The following FYB2 variants were observed in gnomAD, a reference collection of about 807,000 sequenced individuals.
FYB2 encodes the protein FYN-binding protein 2.
In FYB2, 103 loss-of-function variants were observed where a neutral mutation model predicts 94.1. The observed-to-expected ratio is 1.09, with a 90% CI of 0.93 to 1.29. FYB2 has a LOEUF of 1.29. Among genes scored for constraint, FYB2 ranks in the 50% most tolerant of loss-of-function variants. FYB2 has a pLI of 0.00. For missense variants in FYB2, 896 were observed against 841.5 expected (o/e 1.06, Z -0.80); for synonymous variants, 293 against 287.9 (o/e 1.02, Z -0.18).
At chr1:56,777,239 CAAAAAAAAA>C (rs1453236717) in intron 4 of FYB2, among the ~76,000 whole-genome samples, 1 of 4,798 alleles carries the variant, frequency 2.1e-4, no homozygotes, top group Non-Finnish European at 2.6e-4. Flanking sequence ...GTCTCAAAAA[CAAAAAAAAA>C]AAAAAAAAAA....
At chr1:56,767,643 T>A (rs551843544) in intron 5 of FYB2, among the ~76,000 whole-genome samples, 186 bp downstream of exon 5, 1 of 152,132 alleles carries the variant, frequency 6.6e-6, no homozygotes, top group South Asian at 2.1e-4. Flanking sequence ...ATAGCACTGA[T>A]GCCCAGCTGG....
intron 2 of FYB2, 54 bp downstream of exon 2, chr1:56,792,002 A>G: frequency 6.6e-7 from 1 of 1,513,046 alleles, no homozygotes; most frequent in South Asian, 1.4e-5. Context: ...TTTCAAGTAG[A>G]AAAACATGAT....
upstream of FYB2, among the ~76,000 whole-genome samples, chr1:56,821,950 G>A (rs965144908): frequency 6.6e-6 from 1 of 152,116 alleles, no homozygotes; most frequent in African/African-American, 2.4e-5. Context: ...TACACCTTAT[G>A]AATAAATATT....
At chr1:56,766,084 C>T (rs1011225730) in intron 5 of FYB2, among the ~76,000 whole-genome samples, 1 of 152,152 alleles carries the variant, frequency 6.6e-6, no homozygotes. Context: ...AAATGGTGCC[C>T]ACTGCCTTTC....
At chr1:56,782,256 C>A (rs1003632948) in intron 4 of FYB2, among the ~76,000 whole-genome samples, 1 of 152,076 alleles carries the variant, frequency 6.6e-6, no homozygotes, top group Non-Finnish European at 1.5e-5. Context: ...ATCAGAGAGG[C>A]CTTTCTTGAC....
At chr1:56,792,845 C>A (rs778676444) in intron 1 of FYB2, 42 bp from the exon 2 acceptor site, 3 of 1,535,586 alleles carry the variant, frequency 2.0e-6, no homozygotes, top group Non-Finnish European at 2.6e-6. Context: ...AAAACAAAAA[C>A]AAACAAACAA....
At chr1:56,732,180 A>G (rs1034114709) in intron 15 of FYB2, among the ~76,000 whole-genome samples, 29 of 152,172 alleles carry the variant, frequency 1.9e-4, no homozygotes, top group African/African-American at 7.0e-4. Context: ...GTTTCTATAC[A>G]TGAACAATGA....
chr1:56,757,675 TTTCC>T (rs765794124), intron 6 of FYB2, among the ~76,000 whole-genome samples: 86 of 99,014 alleles, frequency 8.7e-4, no homozygotes, highest in African/African-American at 3.2e-3. Context: ...TTCTTTCCTC[TTTCC>T]TTCCTTCCTT....
intron 16 of FYB2, among the ~76,000 whole-genome samples, chr1:56,725,558 G>T (rs939163542): frequency 1.3e-5 from 2 of 152,010 alleles, no homozygotes; most frequent in Non-Finnish European, 2.9e-5. Flanking sequence ...GTTACTAATA[G>T]TTCATCTCTT....
intron 1 of FYB2, among the ~76,000 whole-genome samples, chr1:56,818,754 G>A (rs1646944169): frequency 6.6e-6 from 1 of 152,066 alleles, no homozygotes. Context: ...CATGAGTGAG[G>A]GACCCAGGGC....
intron 1 of FYB2, among the ~76,000 whole-genome samples, chr1:56,812,122 C>T (rs1646782100): frequency 6.6e-6 from 1 of 152,032 alleles, no homozygotes; most frequent in South Asian, 2.1e-4. Flanking sequence ...AGGATTTTAT[C>T]CTTTTCATAG....
At position 56,719,462 on chromosome 1, in the gene FYB2, A is replaced by T. The variant is rs542606732; in HGVS notation, c.*209T>A. On this transcript the variant is annotated 3_prime_UTR_variant, in exon 20 of 20. Coordinates refer to ENST00000343433, the MANE Select transcript of FYB2 (RefSeq NM_001004303.5). Reference sequence around the variant, plus strand: ...GACAGTGAAGTAGATACTGAAATAGACATTGAAAGATAACCTTTTAGGAGT... The same window carrying T: ...GACAGTGAAGTAGATACTGAAATAGTCATTGAAAGATAACCTTTTAGGAGT... 1 of 516,974 alleles carries T rather than the reference A, an allele frequency of 1.9e-6. No individual in the cohort carries two copies. The highest frequency in any genetic ancestry group is 1.9e-5 in the African/African-American group (1 of 51,514). The allele number at this position is 516,974 out of a possible 1,614,324, so 32.0% of individuals were successfully genotyped here. A position where few individuals can be genotyped will look rare whatever the true frequency, so the allele number is the denominator to read the frequency against.
At chr1:56,735,333 T>C (rs1253140051) in intron 15 of FYB2, among the ~76,000 whole-genome samples, 4 of 152,042 alleles carry the variant, frequency 2.6e-5, no homozygotes, top group Non-Finnish European at 5.9e-5. Flanking sequence ...GTGGAGGACA[T>C]TATGTTAAGT....
intron 4 of FYB2, among the ~76,000 whole-genome samples, chr1:56,774,216 T>C (rs1645824073): frequency 6.6e-6 from 1 of 152,136 alleles, no homozygotes. Flanking sequence ...CAGAGAAACA[T>C]AGGCTTCAGA....
At chr1:56,787,026 G>T in intron 4 of FYB2, 149 bp downstream of exon 4, 1 of 826,686 alleles carries the variant, frequency 1.2e-6, no homozygotes, top group Non-Finnish European at 2.0e-6. Context: ...TACAACAAAA[G>T]TTACACTTTG....
chr1:56,766,955 T>C (rs17114295), intron 5 of FYB2, among the ~76,000 whole-genome samples: 3,151 of 152,316 alleles, frequency 0.021, 111 homozygotes, highest in African/African-American at 0.072. Flanking sequence ...GCATAGAATT[T>C]AGAGGTAGCC....
intron 4 of FYB2, among the ~76,000 whole-genome samples, chr1:56,778,897 C>T (rs564225285): frequency 3.4e-4 from 51 of 152,050 alleles, no homozygotes; most frequent in Non-Finnish European, 5.7e-4. Flanking sequence ...AGAAAAATGG[C>T]GGGCACATAG....
At chr1:56,731,932 G>C (rs981210038) in intron 15 of FYB2, 29 of 152,050 alleles carry the variant, frequency 1.9e-4, no homozygotes, top group Admixed American at 1.7e-3. Flanking sequence ...AATAAGACAT[G>C]GATGCCCACT....
intron 4 of FYB2, among the ~76,000 whole-genome samples, chr1:56,773,880 G>C (rs1376744119): frequency 6.6e-6 from 1 of 152,040 alleles, no homozygotes; most frequent in Non-Finnish European, 1.5e-5. Context: ...TGGTGACAAG[G>C]GAATGTGACA....
Sources: gnomAD v4.1 joint callset for allele counts (sites outside exome capture counted in the v4.1 genomes callset) on GRCh38, gnomAD v4.1.1 for gene constraint, MANE v1.5 for transcripts, NCBI Gene and HGNC (gene_info 2026-07-23, HGNC 2026-07-21) for gene names.